The following TG variants were observed in gnomAD, a reference collection of about 807,000 sequenced individuals.
TG encodes the protein thyroglobulin, also known as thyroid hormones.
In TG, 270 loss-of-function variants were observed where a neutral mutation model predicts 324.7. The observed-to-expected ratio is 0.83, with a 90% CI of 0.75 to 0.92. The LOEUF (loss-of-function observed/expected upper bound fraction) is 0.92. Ranked by LOEUF, TG falls within the 40% of genes least tolerant of loss-of-function variation. TG has a pLI of 0.00. For missense variants in TG, 3,591 were observed against 3,456.4 expected, an observed-to-expected ratio of 1.04 and a Z score of -0.98; for synonymous variants, 1,401 against 1,327.0, an observed-to-expected ratio of 1.06 and a Z score of -1.21.
At chr8:132,883,109 C>G in intron 8 of TG, 110 bp downstream of exon 8, 1 of 1,192,216 alleles carries the variant, frequency 8.4e-7, no homozygotes, top group Non-Finnish European at 1.2e-6. Context: ...CTAGTGTGCC[C>G]CTCTGGCCCT....
intron 35 of TG, among the ~76,000 whole-genome samples, chr8:132,991,537 G>A (rs989656965): frequency 1.3e-5 from 2 of 152,182 alleles, no homozygotes; most frequent in Non-Finnish European, 2.9e-5. Context: ...ATGTGCACAC[G>A]CACACACGCA....
intron 14 of TG, 42 bp from the exon 15 acceptor site, chr8:132,900,195 A>G (rs1021025898): frequency 2.5e-6 from 4 of 1,584,156 alleles, no homozygotes; most frequent in Non-Finnish European, 3.5e-6. Context: ...CCACTAGAGC[A>G]TCTTGCCCAC....
intron 20 of TG, among the ~76,000 whole-genome samples, chr8:132,914,230 C>A (rs934287311): frequency 2.0e-5 from 3 of 152,188 alleles, no homozygotes; most frequent in Non-Finnish European, 4.4e-5. Context: ...ATATGGATAT[C>A]TTTGGGGGGA....
In TG at chr8:132,898,892, C is replaced by T. The variant is rs1430125983; in HGVS notation, c.3312C>T (p.Phe1104=). The change falls in exon 14 of 48, where the codon TTC becomes TTT. Residue 1104 remains phenylalanine, a synonymous_variant. Coordinates refer to ENST00000220616, the MANE Select transcript of TG (RefSeq NM_003235.5). ...AAAACCCATCTCCAAAAGACCTGTT[C>T]GTCCCAGCCTGCCTAGAAGTAAGGG... is the stretch of plus-strand genomic sequence containing the variant. The part of the protein sequence containing the change: ...SQENPSPKDL[F]VPACLETGEY... 9.9e-6 allele frequency: 16 copies of T among 1,613,958 alleles called. No individual in the cohort carries two copies. Among genetic ancestry groups the T allele is most frequent in the African/African-American group, 5.3e-5 (4 of 74,934 alleles).
intron 20 of TG, among the ~76,000 whole-genome samples, chr8:132,916,647 C>G (rs1474191825): frequency 6.6e-6 from 1 of 152,126 alleles, no homozygotes; most frequent in African/African-American, 2.4e-5. Context: ...GGCACAGCAG[C>G]CTTGATCCAG....
chr8:132,898,824 ACCAGTGGGCTGCTTT>A lies in TG; in HGVS notation c.3250_3264del (p.Gly1084_Ser1088del), dbSNP rs772869462. On this transcript the variant is annotated inframe_deletion, in exon 14 of 48. Transcript: ENST00000220616. ...CCCGACAACCTGCGAGAAATCTCGA[ACCAGTGGGCTGCTTT>A]CCAGTTGGAAACAGGCTAGATCCCA... The A allele has an allele frequency of 1.2e-6, 2 of 1,614,130 alleles. No homozygotes were observed. Among genetic ancestry groups the A allele is most frequent in the Admixed American group, 1.7e-5 (1 of 60,020 alleles).
chr8:133,033,399 T>G (rs1200692494), intron 41 of TG, among the ~76,000 whole-genome samples: 1 of 152,174 alleles, frequency 6.6e-6, no homozygotes, highest in African/African-American at 2.4e-5. Context: ...ATCCTGTGGC[T>G]GTGTCCCTGC....
chr8:132,999,618 C>A (rs1001872280), intron 35 of TG, among the ~76,000 whole-genome samples: 3 of 152,204 alleles, frequency 2.0e-5, no homozygotes, highest in African/African-American at 7.2e-5. Context: ...CTGCAGCCTG[C>A]AGCCTGTTTT....
At chr8:133,029,751 A>G in intron 40 of TG, 70 bp from the exon 41 acceptor site, 1 of 1,598,470 alleles carries the variant, frequency 6.3e-7, no homozygotes, top group Non-Finnish European at 8.6e-7. Flanking sequence ...CCTGCCATAG[A>G]CAGCACCATG....
At chr8:132,960,503 A>C (rs1827580544) in intron 27 of TG, among the ~76,000 whole-genome samples, 1 of 152,236 alleles carries the variant, frequency 6.6e-6, no homozygotes, top group Admixed American at 6.5e-5. Flanking sequence ...CCAGAAAGGA[A>C]AATCGGATAA....
In TG at chr8:133,071,796, A is replaced by G. The variant is rs541646652; in HGVS notation, c.7240-23248A>G. ...TGGCTCTGTTTCCTTCACGGCACATACCACGATTTGTCCTTATGTATTTGT... is the reference window on the plus strand; with the variant it reads ...TGGCTCTGTTTCCTTCACGGCACATGCCACGATTTGTCCTTATGTATTTGT... On this transcript the variant is annotated intron_variant, in intron 41 of 47. Transcript: ENST00000220616. Among the ~76,000 whole-genome samples, 4 of 152,266 alleles carry G rather than the reference A, an allele frequency of 2.6e-5. No homozygotes were observed. In the East Asian group the frequency reaches 7.7e-4, roughly 29 times the overall value.
intron 5 of TG, among the ~76,000 whole-genome samples, chr8:132,878,864 C>CA (rs1483099458): frequency 1.3e-5 from 2 of 151,894 alleles, no homozygotes; most frequent in East Asian, 3.9e-4. Flanking sequence ...TTTAGAATCC[C>CA]ACTCAAACTC....
chr8:132,869,149 G>A (rs928153319), intron 2 of TG, among the ~76,000 whole-genome samples: 9 of 152,184 alleles, frequency 5.9e-5, no homozygotes, highest in African/African-American at 9.7e-5. Flanking sequence ...GCCTCTTGCA[G>A]TTTCAAACCT....
intron 27 of TG, among the ~76,000 whole-genome samples, chr8:132,949,840 G>A (rs1825855846): frequency 6.6e-6 from 1 of 152,168 alleles, no homozygotes; most frequent in Non-Finnish European, 1.5e-5. Context: ...CCAGCCAGTG[G>A]CATCACCTTC....
At chr8:132,954,066 G>A (rs1587552274) in intron 27 of TG, among the ~76,000 whole-genome samples, 1 of 152,078 alleles carries the variant, frequency 6.6e-6, no homozygotes, top group African/African-American at 2.4e-5. Context: ...GATGTTGAGT[G>A]ATTGTGAGGC....
At chr8:132,963,183 G>A (rs1436239703) in intron 29 of TG, 109 bp downstream of exon 29, 2 of 1,029,762 alleles carry the variant, frequency 1.9e-6, no homozygotes, top group Admixed American at 3.5e-5. Context: ...ACTCTATTCT[G>A]TATCCATGGA....
chr8:132,923,483 C>T lies in TG; in HGVS notation c.4674C>T (p.Ala1558=), dbSNP rs772516767. Residue 1558 remains alanine (A), a synonymous_variant, in exon 22 of 48, where the codon GCC becomes GCT. Coordinates refer to ENST00000220616, the MANE Select transcript of TG (RefSeq NM_003235.5). ...GGCTGCCATGGTGGGAAACAGAGGCCCCTCTTGAGGACTCACAGTGTTTGA... is the reference window on the plus strand; with the variant it reads ...GGCTGCCATGGTGGGAAACAGAGGCTCCTCTTGAGGACTCACAGTGTTTGA... ...GRRLPWWETE[A]PLEDSQCLMM... The T allele has an allele frequency of 5.6e-6, 9 of 1,613,828 alleles. No homozygotes were observed. In the African/African-American group the frequency reaches 9.4e-5, roughly 17 times the overall value.
chr8:132,958,408 A>G (rs1827248327), intron 27 of TG, among the ~76,000 whole-genome samples: 1 of 152,050 alleles, frequency 6.6e-6, no homozygotes, highest in African/African-American at 2.4e-5. Context: ...GAATCAGTAT[A>G]TCAATAGATT....
chr8:132,933,517 C>T (rs747746214), intron 23 of TG, 44 bp from the exon 24 acceptor site: 40 of 1,568,244 alleles, frequency 2.6e-5, no homozygotes, highest in Non-Finnish European at 3.1e-5. Flanking sequence ...CCCTCAGCAT[C>T]CCCCGGGAAA....
Sources: gnomAD v4.1 joint callset for allele counts (sites outside exome capture counted in the v4.1 genomes callset) on GRCh38, gnomAD v4.1.1 for gene constraint, MANE v1.5 for transcripts, NCBI Gene and HGNC (gene_info 2026-07-23, HGNC 2026-07-21) for gene names.